Variants in LRP12 observed in about 807,000 individuals in gnomAD.
The protein encoded by LRP12 is LDL receptor related protein 12.
LRP12 carries 14 observed loss-of-function variants against 66.0 expected under a neutral mutation model. The ratio of observed to expected loss-of-function variants is 0.21; its 90% confidence interval spans 0.14 to 0.33. The LOEUF is 0.33. Ranked by LOEUF, LRP12 falls within the 10% of genes least tolerant of loss-of-function variation. The probability of loss-of-function intolerance (pLI) is 1.00; values close to 1 mark genes in which losing one functional copy is unlikely to be tolerated. For missense variants in LRP12, 889 were observed against 1,053.4 expected, an observed-to-expected ratio of 0.84 and a Z score of 2.16; for synonymous variants, 357 against 359.1, an observed-to-expected ratio of 0.99 and a Z score of 0.07.
intron 6 of LRP12, 31 bp downstream of exon 6, chr8:104,495,046 A>G (rs1479930497): frequency 6.3e-7 from 1 of 1,590,736 alleles, no homozygotes; most frequent in Non-Finnish European, 8.6e-7. Flanking sequence ...TTTAAGAGGA[A>G]ATGTAATAGA....
chr8:104,491,042 T>C lies in LRP12; in HGVS notation c.2211A>G (p.Leu737=). 1 of 1,614,170 alleles carries C rather than the reference T, an allele frequency of 6.2e-7. No individual in the cohort carries two copies. The highest frequency in any genetic ancestry group is 1.1e-5 in the South Asian group (1 of 91,082). ...TSALSRMTQG[L]RWVRFTLGRS... is the part of the protein sequence containing the mutation. ...GTCCTAATGTAAAACGTACCCAGCG[T>C]AGCCCCTGAGTCATACGACTGAGTG... Residue 737 remains leucine, a synonymous_variant, in exon 7 of 7, where the codon CTA becomes CTG. Transcript: ENST00000276654.
At chr8:104,512,212 G>A (rs1811009828) in intron 2 of LRP12, among the ~76,000 whole-genome samples, 1 of 152,148 alleles carries the variant, frequency 6.6e-6, no homozygotes, top group African/African-American at 2.4e-5. Flanking sequence ...AGCTACTCAG[G>A]AGGCTGAGGC....
Position 104,497,403 on chromosome 8 carries a change from T to G in LRP12, c.1149A>C (p.Gly383=). ...GFCLPWEIPC[G]GNWGCYTEQQ... ...GCTCAGTATAACACCCCCAGTTACC[T>G]CCACAGGGTATTTCCCATGGCAAAC... The change falls in exon 5 of 7, where the codon GGA becomes GGC. Residue 383 remains glycine (G), a synonymous_variant. Transcript: ENST00000276654. The surrounding 1 kb of genome is among the most constrained non-coding windows in gnomAD (Gnocchi z 4.3). The G allele has an allele frequency of 6.2e-7, 1 of 1,614,028 alleles. No homozygotes were observed. The highest frequency in any genetic ancestry group is 2.2e-5 in the East Asian group (1 of 44,870).
At position 104,490,666 on chromosome 8, in the gene LRP12, T is replaced by C; in HGVS notation, c.*7A>G. ...CTTGTATACAATCTCCCTTATGTGA[T>C]TCGTACCTAACAAAGTAACAAAGCC... On this transcript the variant is annotated 3_prime_UTR_variant, in exon 7 of 7. Transcript: ENST00000276654. 6.2e-7 allele frequency: 1 copy of C among 1,601,196 alleles called. No homozygotes were observed.
chr8:104,548,180 TA>T (rs1322396315), intron 1 of LRP12, among the ~76,000 whole-genome samples: 13 of 101,392 alleles, frequency 1.3e-4, no homozygotes, highest in African/African-American at 5.8e-4. Flanking sequence ...TAATATAATA[TA>T]TAATATATAT....
At chr8:104,524,152 G>A (rs1588491591) in intron 2 of LRP12, among the ~76,000 whole-genome samples, 1 of 150,138 alleles carries the variant, frequency 6.7e-6, no homozygotes, top group East Asian at 2.0e-4. Flanking sequence ...TGAGGTGGGA[G>A]CATGGCTTGA....
At chr8:104,515,927 A>T (rs1407232066) in intron 2 of LRP12, among the ~76,000 whole-genome samples, 1 of 151,994 alleles carries the variant, frequency 6.6e-6, no homozygotes, top group Non-Finnish European at 1.5e-5. Flanking sequence ...TACTATTTTT[A>T]TTTTTTTATA....
At chr8:104,512,466 C>G (rs749839820) in intron 2 of LRP12, among the ~76,000 whole-genome samples, 97 of 152,142 alleles carry the variant, frequency 6.4e-4, no homozygotes, top group Non-Finnish European at 2.1e-4. Context: ...AAAAGATTCA[C>G]CTACGTTAAA....
chr8:104,490,870 G>A lies in LRP12; in HGVS notation c.2383C>T (p.Leu795Phe). Residue 795 changes from leucine to phenylalanine, a missense_variant, in exon 7 of 7, where the codon CTT (leucine) becomes TTT (phenylalanine). Physicochemically the swap from Leu to Phe is conservative, Grantham distance 22. Coordinates refer to ENST00000276654, the MANE Select transcript of LRP12 (RefSeq NM_013437.5). ...CCTTGATCTGAGGCAAGATCAAGAA[G>A]AGGTCTGGAGCAGTCATTCACATCA... ...DFDVNDCSRP[L>F]LDLASDQGQG... 6.2e-7 allele frequency: 1 copy of A among 1,614,110 alleles called. No homozygotes were observed. The highest frequency in any genetic ancestry group is 8.5e-7 in the Non-Finnish European group (1 of 1,180,002).
chr8:104,529,597 C>A (rs915931331), intron 2 of LRP12, among the ~76,000 whole-genome samples: 1 of 152,128 alleles, frequency 6.6e-6, no homozygotes, highest in Non-Finnish European at 1.5e-5. Flanking sequence ...GAATGTAGTA[C>A]TATATCTATC....
intron 6 of LRP12, among the ~76,000 whole-genome samples, chr8:104,492,739 C>A (rs1479749597): frequency 6.6e-6 from 1 of 151,866 alleles, no homozygotes; most frequent in Non-Finnish European, 1.5e-5. Flanking sequence ...CATAGTCTAA[C>A]ATTAGTAAGG....
intron 2 of LRP12, among the ~76,000 whole-genome samples, chr8:104,519,382 T>C (rs1811115893): frequency 6.6e-6 from 1 of 152,048 alleles, no homozygotes; most frequent in African/African-American, 2.4e-5. Context: ...TCTCCCTGTA[T>C]GGGAATAATT....
chr8:104,520,372 C>T (rs1017138158), intron 2 of LRP12, among the ~76,000 whole-genome samples: 2 of 151,850 alleles, frequency 1.3e-5, no homozygotes, highest in African/African-American at 2.4e-5. Flanking sequence ...CTACTATTTC[C>T]CAAATGGGAA....
At chr8:104,543,589 G>C (rs1460983732) in intron 1 of LRP12, among the ~76,000 whole-genome samples, 1 of 152,086 alleles carries the variant, frequency 6.6e-6, no homozygotes, top group Non-Finnish European at 1.5e-5. Flanking sequence ...TAAGTGTTCA[G>C]GTAAAAGGAA....
intron 2 of LRP12, among the ~76,000 whole-genome samples, chr8:104,510,986 A>G (rs1240814889): frequency 1.3e-5 from 2 of 149,694 alleles, no homozygotes; most frequent in Non-Finnish European, 3.0e-5. Context: ...GTAACCCAAG[A>G]GATGGCCAAA....
intron 3 of LRP12, among the ~76,000 whole-genome samples, chr8:104,503,702 T>C (rs1335396458): frequency 1.3e-5 from 2 of 152,196 alleles, no homozygotes; most frequent in East Asian, 3.8e-4. Context: ...AGTACTTTCA[T>C]ACAATTTAAA....
At chr8:104,554,391 G>T (rs1158814666) in intron 1 of LRP12, among the ~76,000 whole-genome samples, 4 of 151,486 alleles carry the variant, frequency 2.6e-5, no homozygotes, top group African/African-American at 9.7e-5. Flanking sequence ...TACAGGATAT[G>T]GCCAGAAAAA....
rs780751873 is a variant in LRP12, at chr8:104,588,959, AGAC to A, written c.-65_-63del. 1.2e-4 allele frequency: 125 copies of A among 1,080,600 alleles called. 1 individual carries two copies. The African/African-American group carries it at 1.7e-3, about 15-fold the overall frequency. The allele number at this position is 1,080,600 out of a possible 1,614,324, so 66.9% of individuals were successfully genotyped here. On this transcript the variant is annotated 5_prime_UTR_variant, in exon 1 of 7. Coordinates refer to ENST00000276654, the MANE Select transcript of LRP12 (RefSeq NM_013437.5). ...GGAGGAGGGAGGAGAAGCTGGAGGT[AGAC>A]GACGCCGACGCCGCCGCCGCCGCCG...
chr8:104,527,496 G>GTATTTTTAT (rs1811256644), intron 2 of LRP12, among the ~76,000 whole-genome samples: 1 of 150,926 alleles, frequency 6.6e-6, no homozygotes, highest in African/African-American at 2.4e-5. Context: ...GGAATACTAT[G>GTATTTTTAT]CAGCCATAAA....
Sources: allele counts gnomAD v4.1 joint callset (sites outside exome capture counted in the v4.1 genomes callset), GRCh38; gene constraint gnomAD v4.1.1; non-coding constraint Gnocchi (gnomAD v3.1); transcripts MANE v1.5; gene names NCBI Gene and HGNC (gene_info 2026-07-23, HGNC 2026-07-21).